The following CDH4 variants were observed in gnomAD, a reference collection of about 807,000 sequenced individuals.
CDH4 encodes cadherin-4.
In CDH4, 33 loss-of-function variants were observed where a neutral mutation model predicts 86.0. The ratio of observed to expected loss-of-function variants is 0.38; its 90% confidence interval spans 0.29 to 0.51. The LOEUF (loss-of-function observed/expected upper bound fraction) is 0.51, where lower values mean the gene tolerates loss of function less well. CDH4 is among the 20% of genes least tolerant of loss of function. CDH4 has a pLI of 0.86. For missense variants in CDH4, 1,114 were observed against 1,307.4 expected (o/e 0.85, Z 2.28); for synonymous variants, 555 against 549.4 (o/e 1.01, Z -0.14).
chr20:61,487,514 T>G (rs1234988455), intron 2 of CDH4, among the ~76,000 whole-genome samples: 3 of 152,228 alleles, frequency 2.0e-5, no homozygotes, highest in East Asian at 3.8e-4. Context: ...AGGAGAATTT[T>G]AGGGAAATGG....
In CDH4 at chr20:61,937,218, T is replaced by TA. The variant is rs11476350; in HGVS notation, c.*294dup. On this transcript the variant is annotated 3_prime_UTR_variant, in exon 16 of 16. Transcript: ENST00000614565. ...TTTCCTAGAACAGAAGCACTGTTTT[T>TA]AAAAAAAAAAAAAAAAAAAGAAGAA... 22,204 of 103,130 alleles carry TA rather than the reference T, an allele frequency of 0.22. 2,796 individuals are homozygous for TA. The highest frequency in any genetic ancestry group is 0.28 in the Non-Finnish European group (15,868 of 57,576). 6.4% of individuals were successfully genotyped at this position (103,130 alleles called of 1,614,324 possible). A position where few individuals can be genotyped will look rare whatever the true frequency, so the allele number is the denominator to read the frequency against.
rs1022662711 is a variant in CDH4, at chr20:61,624,793, G to T, written c.170-118770G>T. ...TGTTTGCAGAAGGAAGAAGAGTCGG[G>T]GCATTCTGAGCTCTAGGGAGCCGAC... On this transcript the variant is annotated intron_variant, in intron 2 of 15. Transcript: ENST00000614565. Among the ~76,000 whole-genome samples the T allele has an allele frequency of 5.9e-5, 9 of 152,296 alleles. No individual in the cohort carries two copies. The East Asian group carries it at 1.5e-3, about 26-fold the overall frequency.
intron 2 of CDH4, among the ~76,000 whole-genome samples, chr20:61,290,985 G>A (rs2084317525): frequency 6.6e-6 from 1 of 152,146 alleles, no homozygotes; most frequent in African/African-American, 2.4e-5. Context: ...TCTGGGGTTT[G>A]GTTTGTTCGT....
At chr20:61,380,312 C>T (rs2084892724) in intron 2 of CDH4, among the ~76,000 whole-genome samples, 1 of 152,150 alleles carries the variant, frequency 6.6e-6, no homozygotes, top group South Asian at 2.1e-4. Context: ...TTATGACTGC[C>T]TCAATGGTTG....
At chr20:61,687,208 C>T (rs891901788) in intron 2 of CDH4, among the ~76,000 whole-genome samples, 24 of 152,342 alleles carry the variant, frequency 1.6e-4, no homozygotes, top group South Asian at 4.1e-4. Flanking sequence ...CCTCCTCTCC[C>T]GCTCCACAGC....
chr20:61,321,639 C>T (rs762547500), intron 2 of CDH4, among the ~76,000 whole-genome samples: 16 of 152,286 alleles, frequency 1.1e-4, no homozygotes, highest in Non-Finnish European at 1.9e-4. Context: ...CTTCCGGCTT[C>T]GTCAAATTCA....
chr20:61,692,830 T>C (rs2087674019), intron 2 of CDH4, among the ~76,000 whole-genome samples: 1 of 145,750 alleles, frequency 6.9e-6, no homozygotes, highest in Non-Finnish European at 1.5e-5. Context: ...CTTTTTTGTT[T>C]TTTGTTTTTT....
At chr20:61,883,667 C>T (rs1317699210) in intron 7 of CDH4, among the ~76,000 whole-genome samples, 10 of 152,288 alleles carry the variant, frequency 6.6e-5, no homozygotes, top group Admixed American at 2.0e-4. Flanking sequence ...TGTGACTGCC[C>T]GGCCCCTGGA....
chr20:61,280,516 G>A (rs1007651315), intron 2 of CDH4, among the ~76,000 whole-genome samples: 7 of 152,200 alleles, frequency 4.6e-5, no homozygotes, highest in Non-Finnish European at 8.8e-5. Flanking sequence ...CCACTCTCAC[G>A]AATCTTCCTT....
At chr20:61,766,474 C>T (rs1180639675) in intron 3 of CDH4, among the ~76,000 whole-genome samples, 1 of 152,154 alleles carries the variant, frequency 6.6e-6, no homozygotes, top group Non-Finnish European at 1.5e-5. Flanking sequence ...TGCCCCTTCT[C>T]AGGTTTCTTC....
At chr20:61,580,709 G>T (rs1240592608) in intron 2 of CDH4, among the ~76,000 whole-genome samples, 2 of 152,122 alleles carry the variant, frequency 1.3e-5, no homozygotes, top group Non-Finnish European at 2.9e-5. Flanking sequence ...GAAGGCTCTG[G>T]CGTCTTTGTT....
At chr20:61,647,922 G>A (rs1568732162) in intron 2 of CDH4, among the ~76,000 whole-genome samples, 1 of 152,206 alleles carries the variant, frequency 6.6e-6, no homozygotes, top group Non-Finnish European at 1.5e-5. Flanking sequence ...CACTGGTCAT[G>A]AGCACACCCC....
chr20:61,272,715 T>C (rs2084189629), intron 2 of CDH4, among the ~76,000 whole-genome samples: 1 of 151,620 alleles, frequency 6.6e-6, no homozygotes, highest in Non-Finnish European at 1.5e-5. Context: ...GATTACTGTG[T>C]GCAGTTGTTT....
At chr20:61,274,261 TACCATGTGCAGTTTGGGGG>T (rs2084210724) in intron 2 of CDH4, among the ~76,000 whole-genome samples, 1 of 116,152 alleles carries the variant, frequency 8.6e-6, no homozygotes, top group Non-Finnish European at 1.7e-5. Flanking sequence ...TTTGGGGGAG[TACCATGTGCAGTTTGGGGG>T]AGTACCATAT....
intron 2 of CDH4, among the ~76,000 whole-genome samples, chr20:61,292,847 G>A (rs1195924402): frequency 1.3e-5 from 2 of 152,258 alleles, no homozygotes; most frequent in East Asian, 3.8e-4. Context: ...CCAGGAAACT[G>A]GCCCCTGAGC....
intron 2 of CDH4, among the ~76,000 whole-genome samples, chr20:61,325,622 C>T (rs1463965614): frequency 1.3e-5 from 2 of 151,938 alleles, no homozygotes; most frequent in Non-Finnish European, 2.9e-5. Flanking sequence ...GATTATGAAG[C>T]CAGGAGCACT....
chr20:61,575,277 G>C (rs1301366828), intron 2 of CDH4, among the ~76,000 whole-genome samples: 2 of 152,198 alleles, frequency 1.3e-5, no homozygotes, highest in Non-Finnish European at 2.9e-5. Flanking sequence ...AAGCCTGTGT[G>C]TTCCCAAGTT....
intron 5 of CDH4, among the ~76,000 whole-genome samples, chr20:61,851,255 A>T (rs1170583587): frequency 6.6e-6 from 1 of 152,176 alleles, no homozygotes; most frequent in Non-Finnish European, 1.5e-5. Context: ...TCTCCTTACT[A>T]CAGCACAGAT....
rs900231141 is a variant in CDH4, at chr20:61,357,207, G to A, written c.169+102270G>A. Among the ~76,000 whole-genome samples, 7 of 152,166 alleles carry A rather than the reference G, an allele frequency of 4.6e-5. No individual in the cohort carries two copies. The East Asian group carries it at 7.7e-4, about 17-fold the overall frequency. Reference sequence around the variant, plus strand: ...CCTGATTTCGTCCTCCCACACCTTGGCCCTCGCTTCTTCTCTATAATTTGT... The same window carrying A: ...CCTGATTTCGTCCTCCCACACCTTGACCCTCGCTTCTTCTCTATAATTTGT... On this transcript the variant is annotated intron_variant, in intron 2 of 15. Coordinates refer to ENST00000614565, the MANE Select transcript of CDH4 (RefSeq NM_001794.5).
Sources: allele counts gnomAD v4.1 joint callset (sites outside exome capture counted in the v4.1 genomes callset), GRCh38; gene constraint gnomAD v4.1.1; transcripts MANE v1.5; gene names NCBI Gene and HGNC (gene_info 2026-07-23, HGNC 2026-07-21).